The following GRM1 variants were observed in gnomAD, a reference collection of about 807,000 sequenced individuals.
GRM1 encodes metabotropic glutamate receptor 1.
Under a neutral mutation model 90.9 loss-of-function variants are expected in GRM1, and 33 were observed. That is an observed-to-expected ratio of 0.36 (90% CI 0.28 to 0.49). The LOEUF is 0.49. Among genes scored for constraint, GRM1 ranks in the 20% least tolerant of loss-of-function variants. The pLI is 0.99. For missense variants in GRM1, 1,190 were observed against 1,534.3 expected (o/e 0.78, Z 3.75); for synonymous variants, 700 against 613.2 (o/e 1.14, Z -2.09).
intron 3 of GRM1, among the ~76,000 whole-genome samples, chr6:146,325,204 T>C (rs1165759187): frequency 1.3e-5 from 2 of 152,136 alleles, no homozygotes; most frequent in Non-Finnish European, 2.9e-5. Context: ...AGGTTTTGAG[T>C]AGGACTGGAG....
At chr6:146,324,817 T>C (rs927391583) in intron 3 of GRM1, among the ~76,000 whole-genome samples, 3 of 152,238 alleles carry the variant, frequency 2.0e-5, no homozygotes, top group Non-Finnish European at 4.4e-5. Flanking sequence ...AGAAACCACC[T>C]GCCTTCTGTG....
intron 2 of GRM1, among the ~76,000 whole-genome samples, chr6:146,268,309 A>G (rs981348998): frequency 6.6e-6 from 1 of 152,144 alleles, no homozygotes; most frequent in African/African-American, 2.4e-5. Flanking sequence ...ACTGAGTCCT[A>G]TTATGTCCAC....
intron 7 of GRM1, among the ~76,000 whole-genome samples, chr6:146,420,616 A>T (rs1289777111): frequency 6.6e-6 from 1 of 152,222 alleles, no homozygotes; most frequent in Non-Finnish European, 1.5e-5. Context: ...TATTAGGCAT[A>T]CCAAGAGATA....
At chr6:146,188,837 C>G (rs1196283665) in intron 2 of GRM1, among the ~76,000 whole-genome samples, 1 of 152,174 alleles carries the variant, frequency 6.6e-6, no homozygotes, top group Non-Finnish European at 1.5e-5. Flanking sequence ...GAACTTGCTG[C>G]CTCACTTCCA....
intron 1 of GRM1, among the ~76,000 whole-genome samples, chr6:146,112,837 A>G (rs995010479): frequency 2.6e-5 from 4 of 152,106 alleles, no homozygotes; most frequent in African/African-American, 9.7e-5. Context: ...TTTTTTTCAT[A>G]GAAGGTCACC....
intron 7 of GRM1, among the ~76,000 whole-genome samples, chr6:146,415,806 G>T (rs1046007183): frequency 2.3e-4 from 35 of 152,142 alleles, no homozygotes; most frequent in African/African-American, 7.2e-4. Flanking sequence ...AGTTTGCTGA[G>T]AAATTGATCA....
chr6:146,142,521 C>A (rs1776918713), intron 1 of GRM1, among the ~76,000 whole-genome samples: 1 of 152,092 alleles, frequency 6.6e-6, no homozygotes, highest in Non-Finnish European at 1.5e-5. Context: ...CCAGAGATGC[C>A]ATCTAGGAGG....
intron 2 of GRM1, among the ~76,000 whole-genome samples, chr6:146,278,860 T>C (rs966352662): frequency 6.6e-6 from 1 of 152,078 alleles, no homozygotes; most frequent in African/African-American, 2.4e-5. Flanking sequence ...AGCTAGAGGT[T>C]ACGCCCGGCT....
intron 2 of GRM1, among the ~76,000 whole-genome samples, chr6:146,208,877 C>A (rs909901990): frequency 6.6e-6 from 1 of 151,988 alleles, no homozygotes; most frequent in Admixed American, 6.6e-5. Flanking sequence ...TAGTTTATTT[C>A]TTTAAAAACC....
intron 7 of GRM1, among the ~76,000 whole-genome samples, chr6:146,420,879 C>T (rs1562688481): frequency 1.3e-5 from 2 of 151,968 alleles, no homozygotes; most frequent in Admixed American, 1.3e-4. Context: ...ATTGCATTAC[C>T]ACTTTGTAGT....
chr6:146,149,903 G>C (rs1285391981), intron 1 of GRM1, among the ~76,000 whole-genome samples: 1 of 152,130 alleles, frequency 6.6e-6, no homozygotes, highest in Non-Finnish European at 1.5e-5. Flanking sequence ...GTGTGAGGCA[G>C]CTCCTTCACT....
chr6:146,391,731 G>A (rs1776731063), intron 6 of GRM1, among the ~76,000 whole-genome samples: 1 of 151,904 alleles, frequency 6.6e-6, no homozygotes, highest in Non-Finnish European at 1.5e-5. Flanking sequence ...AGAAAAAAAG[G>A]AAAAAGAATC....
At chr6:146,085,876 T>C (rs1318320142) in intron 1 of GRM1, among the ~76,000 whole-genome samples, 1 of 152,140 alleles carries the variant, frequency 6.6e-6, no homozygotes, top group Non-Finnish European at 1.5e-5. Context: ...ATAACTTCCT[T>C]TTAAAGTTGA....
chr6:146,093,687 A>G (rs772258943), intron 1 of GRM1, among the ~76,000 whole-genome samples: 2 of 151,958 alleles, frequency 1.3e-5, no homozygotes, highest in South Asian at 4.1e-4. Context: ...CAATTTTACT[A>G]TGAAAGTGAG....
chr6:146,378,605 C>T (rs987637227), intron 5 of GRM1, among the ~76,000 whole-genome samples: 1 of 152,172 alleles, frequency 6.6e-6, no homozygotes, highest in South Asian at 2.1e-4. Context: ...AATTCCTGTA[C>T]CCTCATTGTA....
intron 2 of GRM1, among the ~76,000 whole-genome samples, chr6:146,230,359 C>T (rs1195667298): frequency 6.6e-6 from 1 of 152,152 alleles, no homozygotes; most frequent in Non-Finnish European, 1.5e-5. Context: ...CAAAGGCCTT[C>T]ATAGTCACCT....
chr6:146,193,398 G>A (rs749307310), intron 2 of GRM1, among the ~76,000 whole-genome samples: 1 of 152,252 alleles, frequency 6.6e-6, no homozygotes. Flanking sequence ...ATAACTACAA[G>A]CAAGTAAAGA....
intron 2 of GRM1, among the ~76,000 whole-genome samples, chr6:146,298,555 T>C (rs551336872): frequency 6.6e-6 from 1 of 152,302 alleles, no homozygotes; most frequent in Admixed American, 6.5e-5. Context: ...GCCAACAGTT[T>C]GCAATAACAC....
At chr6:146,260,890 T>C in intron 2 of GRM1, among the ~76,000 whole-genome samples, 1 of 148,040 alleles carries the variant, frequency 6.8e-6, no homozygotes, top group South Asian at 2.2e-4. Flanking sequence ...CTTTGACTGT[T>C]AGCTCTATTT....
Sources: allele counts gnomAD v4.1 joint callset (sites outside exome capture counted in the v4.1 genomes callset), GRCh38; gene constraint gnomAD v4.1.1; transcripts MANE v1.5; gene names NCBI Gene and HGNC (gene_info 2026-07-23, HGNC 2026-07-21).